Variants in KCNA2 observed in about 807,000 individuals in gnomAD.
KCNA2 encodes potassium channel, voltage gated shaker related subfamily A, member 2.
Under a neutral mutation model 33.4 loss-of-function variants are expected in KCNA2, and 11 were observed. The observed-to-expected ratio is 0.33, with a 90% CI of 0.21 to 0.55. The LOEUF is 0.55. Among genes scored for constraint, KCNA2 ranks in the 20% least tolerant of loss-of-function variants. KCNA2 has a pLI of 0.93. For synonymous variants in KCNA2, 222 were observed against 231.3 expected (o/e 0.96, Z 0.37); for missense variants, 291 against 621.6 (o/e 0.47, Z 5.66).
chr1:110,622,541 GA>G (rs1302838346), intron 1 of KCNA2, among the ~76,000 whole-genome samples: 1 of 152,028 alleles, frequency 6.6e-6, no homozygotes, highest in Non-Finnish European at 1.5e-5. Context: ...TGTAAAGGAA[GA>G]AGCAAAATTA....
chr1:110,629,759 C>G (rs1327203649), intron 1 of KCNA2, among the ~76,000 whole-genome samples: 1 of 152,004 alleles, frequency 6.6e-6, no homozygotes, highest in African/African-American at 2.4e-5. Flanking sequence ...TATACTCATT[C>G]AACAAATGAT....
chr1:110,608,376 A>G (rs1180971699), upstream of KCNA2, among the ~76,000 whole-genome samples: 1 of 152,148 alleles, frequency 6.6e-6, no homozygotes, highest in Non-Finnish European at 1.5e-5. Flanking sequence ...GTTCCTTGAG[A>G]TAAGACTGCG....
intron 1 of KCNA2, among the ~76,000 whole-genome samples, chr1:110,620,902 A>G (rs937275981): frequency 6.6e-6 from 1 of 152,112 alleles, no homozygotes; most frequent in Non-Finnish European, 1.5e-5. Context: ...GTAACAACCA[A>G]CATAGCTTCT....
At chr1:110,626,720 A>G (rs1159681851) in intron 1 of KCNA2, among the ~76,000 whole-genome samples, 1 of 152,218 alleles carries the variant, frequency 6.6e-6, no homozygotes, top group Non-Finnish European at 1.5e-5. Context: ...CCTGTCCTCA[A>G]GAGTCTTAAT....
Position 110,597,636 on chromosome 1 carries a change from T to A in KCNA2, c.*5647A>T. 1 of 985,178 alleles carries A rather than the reference T, an allele frequency of 1.0e-6. No homozygotes were observed. The highest frequency in any genetic ancestry group is 1.1e-4 in the East Asian group (1 of 8,802). The allele number at this position is 985,178 out of a possible 1,614,324, so 61.0% of individuals were successfully genotyped here. Reference sequence around the variant, plus strand: ...AGGTCAGATCTCAAGAGGACAGGAGTCATGTGAACACGTGGGAAGAAGAAG... The same window carrying A: ...AGGTCAGATCTCAAGAGGACAGGAGACATGTGAACACGTGGGAAGAAGAAG... On this transcript the variant is annotated 3_prime_UTR_variant, in exon 3 of 3. Transcript: ENST00000316361.
chr1:110,598,641 T>C lies in KCNA2; in HGVS notation c.*4642A>G. 1 of 985,144 alleles carries C rather than the reference T, an allele frequency of 1.0e-6. No homozygotes were observed. The highest frequency in any genetic ancestry group is 1.2e-6 in the Non-Finnish European group (1 of 829,922). 61.0% of individuals were successfully genotyped at this position (985,144 alleles called of 1,614,324 possible). ...ATAGCTTCCATGGGAGCCCTTTCCA[T>C]ACTAGGCTAACGCAATCTAGAGGCA... On this transcript the variant is annotated 3_prime_UTR_variant, in exon 3 of 3. Coordinates refer to ENST00000316361, the MANE Select transcript of KCNA2 (RefSeq NM_004974.4).
intron 1 of KCNA2, among the ~76,000 whole-genome samples, chr1:110,630,009 CTTTTTTT>C (rs372364243): frequency 0.65 from 75,390 of 115,468 alleles, 25,239 homozygotes; most frequent in Non-Finnish European, 0.78. Context: ...GTGCTCTGTA[CTTTTTTT>C]TTTTTTTTTT....
chr1:110,615,107 G>T (rs996295275), intron 1 of KCNA2, among the ~76,000 whole-genome samples: 3 of 152,206 alleles, frequency 2.0e-5, no homozygotes, highest in Non-Finnish European at 4.4e-5. Flanking sequence ...GGCTGAAATT[G>T]CAGTGAGGAG....
At chr1:110,629,926 G>A (rs1430332464) in intron 1 of KCNA2, among the ~76,000 whole-genome samples, 1 of 151,774 alleles carries the variant, frequency 6.6e-6, no homozygotes, top group African/African-American at 2.4e-5. Context: ...ATGTAATGCA[G>A]TGGTGGGTAG....
rs1057484441 is a variant in KCNA2, at chr1:110,597,931, AG to A, written c.*5351del. ...TGAGGAAGAGAACCTTCCTGCATGT[AG>A]GGGAGCCCCTACCTCCATCTGTCCC... On this transcript the variant is annotated 3_prime_UTR_variant, in exon 3 of 3. Coordinates refer to ENST00000316361, the MANE Select transcript of KCNA2 (RefSeq NM_004974.4). 5 of 985,426 alleles carry A rather than the reference AG, an allele frequency of 5.1e-6. No homozygotes were observed. The highest frequency in any genetic ancestry group is 6.0e-6 in the Non-Finnish European group (5 of 829,922). 61.0% of individuals were successfully genotyped at this position (985,426 alleles called of 1,614,324 possible).
rs1649372500 is a variant in KCNA2 at position 110,601,947 on chromosome 1, T to C, written c.*1336A>G. 7 of 1,499,694 alleles carry C rather than the reference T, an allele frequency of 4.7e-6. No individual in the cohort carries two copies. The South Asian group carries it at 7.8e-5, about 17-fold the overall frequency. The allele number at this position is 1,499,694 out of a possible 1,614,324, so 92.9% of individuals were successfully genotyped here. A position where few individuals can be genotyped will look rare whatever the true frequency, so the allele number is the denominator to read the frequency against. The stretch of plus-strand genomic sequence containing the variant: ...AAGCTTGTACAATGTTCAAATGCAA[T>C]TTCTTTTCTATCACTAGCTAGGTAG... On this transcript the variant is annotated 3_prime_UTR_variant, in exon 3 of 3. Transcript: ENST00000316361.
At chr1:110,617,538 G>GGAC (rs1476791991) in intron 1 of KCNA2, among the ~76,000 whole-genome samples, 1 of 152,204 alleles carries the variant, frequency 6.6e-6, no homozygotes, top group Non-Finnish European at 1.5e-5. Context: ...TGGAAAGGAT[G>GGAC]GGTCTAAGAG....
At position 110,598,945 on chromosome 1, in the gene KCNA2, T is replaced by C; in HGVS notation, c.*4338A>G. 14 of 985,412 alleles carry C rather than the reference T, an allele frequency of 1.4e-5. No individual in the cohort carries two copies. The highest frequency in any genetic ancestry group is 1.7e-5 in the Non-Finnish European group (14 of 829,938). The allele number at this position is 985,412 out of a possible 1,614,324, so 61.0% of individuals were successfully genotyped here. A position where few individuals can be genotyped will look rare whatever the true frequency, so the allele number is the denominator to read the frequency against. On this transcript the variant is annotated 3_prime_UTR_variant, in exon 3 of 3. Coordinates refer to ENST00000316361, the MANE Select transcript of KCNA2 (RefSeq NM_004974.4). ...TATTCCTTTTCGGTCTCCTGAAAAC[T>C]CCAAGTTTCTTGAAAATGAATCCAC...
At position 110,599,877 on chromosome 1, in the gene KCNA2, C is replaced by T. The variant is rs1649261704; in HGVS notation, c.*3406G>A. The T allele has an allele frequency of 2.0e-6, 2 of 985,328 alleles. No homozygotes were observed. The highest frequency in any genetic ancestry group is 1.2e-6 in the Non-Finnish European group (1 of 829,954). The allele number at this position is 985,328 out of a possible 1,614,324, so 61.0% of individuals were successfully genotyped here. On this transcript the variant is annotated 3_prime_UTR_variant, in exon 3 of 3. Transcript: ENST00000316361. ...TGGCAAGGAGGCCTATATTAGGCTA[C>T]CAGCTGTCCCAGGTACTTTCACACC...
rs906390763 is a variant in KCNA2, at chr1:110,602,278, G to A, written c.*1005C>T. 6.0e-5 allele frequency: 90 copies of A among 1,496,298 alleles called. 1 individual carries two copies. Among genetic ancestry groups the A allele is most frequent in the Non-Finnish European group, 4.4e-5 (49 of 1,126,280 alleles). 92.7% of individuals were successfully genotyped at this position (1,496,298 alleles called of 1,614,324 possible). A position where few individuals can be genotyped will look rare whatever the true frequency, so the allele number is the denominator to read the frequency against. On this transcript the variant is annotated 3_prime_UTR_variant, in exon 3 of 3. Transcript: ENST00000316361. ...TGGAGGGATTTTTGCCTTCTGATGG[G>A]AAAAAAACCCCTAGTTCAAGACCAT...
Position 110,593,821 on chromosome 1 carries a change from T to G in KCNA2, c.*9462A>C. The G allele has an allele frequency of 6.5e-7, 1 of 1,540,204 alleles. No homozygotes were observed. The highest frequency in any genetic ancestry group is 1.2e-5 in the South Asian group (1 of 82,668). On this transcript the variant is annotated 3_prime_UTR_variant, in exon 3 of 3. Coordinates refer to ENST00000316361, the MANE Select transcript of KCNA2 (RefSeq NM_004974.4). ...CCCTACTGACACAGGAACTCTCAGCTGCAGAAGTCCTGGGTGGGGCAGTGT... is the reference window on the plus strand; with the variant it reads ...CCCTACTGACACAGGAACTCTCAGCGGCAGAAGTCCTGGGTGGGGCAGTGT...
At chr1:110,606,188 A>C (rs2101411535) in intron 1 of KCNA2, 40 bp downstream of exon 1, 1 of 152,698 alleles carries the variant, frequency 6.5e-6, no homozygotes, top group South Asian at 2.1e-4. Context: ...GAGACCCCAC[A>C]CAACAAAGTC....
intron 1 of KCNA2, among the ~76,000 whole-genome samples, chr1:110,614,864 G>A (rs901303791): frequency 6.6e-6 from 1 of 152,186 alleles, no homozygotes; most frequent in Admixed American, 6.5e-5. Context: ...TGGGATTCCA[G>A]CCCAGACTTT....
At position 110,593,979 on chromosome 1, in the gene KCNA2, A is replaced by G. The variant is rs187477463; in HGVS notation, c.*9304T>C. 3.2e-4 allele frequency: 494 copies of G among 1,548,514 alleles called. 6 individuals carry two copies. In the East Asian group the frequency reaches 8.7e-3, roughly 27 times the overall value. ...AGTTAAATGACTCCCAACTCCCATG[A>G]GTCTTCCCCGCAAGTCCTGCTCCGC... On this transcript the variant is annotated 3_prime_UTR_variant, in exon 3 of 3. Coordinates refer to ENST00000316361, the MANE Select transcript of KCNA2 (RefSeq NM_004974.4).
Sources: gnomAD v4.1 joint callset for allele counts (sites outside exome capture counted in the v4.1 genomes callset) on GRCh38, gnomAD v4.1.1 for gene constraint, MANE v1.5 for transcripts, NCBI Gene and HGNC (gene_info 2026-07-23, HGNC 2026-07-21) for gene names.